The following MDFIC2 variants were observed in gnomAD, a reference collection of about 807,000 sequenced individuals.
MDFIC2 encodes the protein myoD family inhibitor domain-containing protein 2.
At chr3:70,292,302 A>G (rs1702246225) in intron 2 of MDFIC2, among the ~76,000 whole-genome samples, 1 of 152,172 alleles carries the variant, frequency 6.6e-6, no homozygotes, top group Non-Finnish European at 1.5e-5. Context: ...TTTATAATAT[A>G]TAGTATCTAT....
chr3:70,211,716 C>T (rs1701351827), intron 2 of MDFIC2, among the ~76,000 whole-genome samples: 3 of 142,182 alleles, frequency 2.1e-5, no homozygotes, highest in East Asian at 4.2e-4. Flanking sequence ...CTTCCCTTCC[C>T]TTCCTTTCCT....
intron 2 of MDFIC2, among the ~76,000 whole-genome samples, chr3:70,252,750 A>G (rs1701781284): frequency 1.3e-5 from 2 of 152,142 alleles, no homozygotes; most frequent in Non-Finnish European, 2.9e-5. Context: ...CTGTGGATAC[A>G]TCAGTGAACA....
At chr3:70,233,504 T>C (rs1016947354) in intron 2 of MDFIC2, among the ~76,000 whole-genome samples, 1 of 152,220 alleles carries the variant, frequency 6.6e-6, no homozygotes, top group African/African-American at 2.4e-5. Flanking sequence ...ATATATTACA[T>C]ACAATAATTG....
chr3:70,272,611 T>C (rs1701985555), intron 2 of MDFIC2, among the ~76,000 whole-genome samples: 1 of 152,222 alleles, frequency 6.6e-6, no homozygotes, highest in Non-Finnish European at 1.5e-5. Flanking sequence ...TTCTCTTGGG[T>C]AAATACCTAG....
At chr3:70,203,718 C>G (rs1023475687) in intron 3 of MDFIC2, among the ~76,000 whole-genome samples, 1 of 152,116 alleles carries the variant, frequency 6.6e-6, no homozygotes, top group African/African-American at 2.4e-5. Flanking sequence ...TTTGAGGTAT[C>G]TTGTATTTAT....
intron 2 of MDFIC2, among the ~76,000 whole-genome samples, chr3:70,256,504 GTTC>G (rs940208926): frequency 3.3e-5 from 5 of 152,150 alleles, no homozygotes; most frequent in Non-Finnish European, 4.4e-5. Context: ...AGTTCATTTA[GTTC>G]TTCTTAAGTG....
intron 2 of MDFIC2, among the ~76,000 whole-genome samples, chr3:70,246,936 T>C (rs1203089316): frequency 6.6e-6 from 1 of 152,004 alleles, no homozygotes; most frequent in Non-Finnish European, 1.5e-5. Context: ...CAATAATTCG[T>C]AATTATAGGT....
At chr3:70,259,408 T>C (rs1701845188) in intron 2 of MDFIC2, among the ~76,000 whole-genome samples, 2 of 151,788 alleles carry the variant, frequency 1.3e-5, no homozygotes, top group South Asian at 4.2e-4. Context: ...TAAAAATTTA[T>C]TGACTTTTAA....
At position 70,232,782 on chromosome 3, in the gene MDFIC2, A is replaced by C. The variant is rs147576688; in HGVS notation, c.89-25992T>G. The stretch of plus-strand genomic sequence containing the variant: ...AATATTTATTCCATCACAGGGACTG[A>C]CTTCTTACTGGGTTGGAGATTTTCT... On this transcript the variant is annotated intron_variant, in intron 2 of 3. Coordinates refer to ENST00000567252, the MANE Select transcript of MDFIC2 (RefSeq NM_001364677.1). 1.2e-3 allele frequency among the ~76,000 whole-genome samples: 188 copies of C among 152,230 alleles called. 3 individuals carry two copies. In the East Asian group the frequency reaches 0.028, roughly 23 times the overall value.
intron 2 of MDFIC2, among the ~76,000 whole-genome samples, chr3:70,260,389 T>A (rs1011850769): frequency 4.6e-5 from 7 of 152,124 alleles, no homozygotes; most frequent in African/African-American, 1.7e-4. Context: ...GCTAATTACA[T>A]CTGCAACAAC....
At chr3:70,259,775 C>G (rs946067609) in intron 2 of MDFIC2, among the ~76,000 whole-genome samples, 2 of 152,074 alleles carry the variant, frequency 1.3e-5, no homozygotes, top group Admixed American at 6.6e-5. Context: ...GGTATAAAAA[C>G]TGACCGAGAC....
intron 2 of MDFIC2, among the ~76,000 whole-genome samples, chr3:70,284,153 G>C (rs1014346470): frequency 6.6e-6 from 1 of 152,126 alleles, no homozygotes. Flanking sequence ...GAAAGCAAGA[G>C]TCACAGTGTA....
chr3:70,286,229 T>A (rs1575615770), intron 2 of MDFIC2, among the ~76,000 whole-genome samples: 1 of 152,328 alleles, frequency 6.6e-6, no homozygotes, highest in Admixed American at 6.5e-5. Context: ...TTGAATTAAT[T>A]TTTGTATAAG....
At chr3:70,278,644 A>G (rs1182719364) in intron 2 of MDFIC2, among the ~76,000 whole-genome samples, 3 of 152,088 alleles carry the variant, frequency 2.0e-5, no homozygotes, top group Non-Finnish European at 4.4e-5. Context: ...TGGCTCTAGA[A>G]TATGTCTTTT....
At chr3:70,286,389 G>T (rs571038021) in intron 2 of MDFIC2, among the ~76,000 whole-genome samples, 47 of 152,018 alleles carry the variant, frequency 3.1e-4, no homozygotes, top group African/African-American at 1.1e-3. Flanking sequence ...CATTATTTCT[G>T]AGGGCTCTGT....
intron 2 of MDFIC2, among the ~76,000 whole-genome samples, chr3:70,301,872 C>T (rs1702351683): frequency 6.6e-6 from 1 of 151,894 alleles, no homozygotes; most frequent in Non-Finnish European, 1.5e-5. Context: ...TTTCTAAATA[C>T]AAAAAATGAA....
At chr3:70,272,381 G>C (rs1327906748) in intron 2 of MDFIC2, 1 of 152,088 alleles carries the variant, frequency 6.6e-6, no homozygotes, top group East Asian at 1.9e-4. Context: ...ACTCTTTTGT[G>C]TCTGGCTTCT....
intron 2 of MDFIC2, among the ~76,000 whole-genome samples, chr3:70,233,603 A>G (rs1701581424): frequency 6.6e-6 from 1 of 152,186 alleles, no homozygotes; most frequent in Non-Finnish European, 1.5e-5. Flanking sequence ...AAACATTTCC[A>G]TCATACCCTC....
chr3:70,261,077 A>G (rs1701861172), intron 2 of MDFIC2, among the ~76,000 whole-genome samples: 1 of 152,202 alleles, frequency 6.6e-6, no homozygotes, highest in Admixed American at 6.5e-5. Flanking sequence ...TTCAACGTTT[A>G]TTTAAAGTTC....
Sources: gnomAD v4.1 joint callset for allele counts (sites outside exome capture counted in the v4.1 genomes callset) on GRCh38, gnomAD v4.1.1 for gene constraint, MANE v1.5 for transcripts, NCBI Gene and HGNC (gene_info 2026-07-23, HGNC 2026-07-21) for gene names.